The following CREM variants were observed in gnomAD, a reference collection of about 807,000 sequenced individuals.
CREM encodes cAMP responsive element modulator.
A neutral mutation model predicts 37.3 loss-of-function variants in CREM; 13 were observed. The ratio of observed to expected loss-of-function variants is 0.35; its 90% CI spans 0.23 to 0.55. The LOEUF is 0.55. Ranked by LOEUF, CREM falls within the 20% of genes least tolerant of loss-of-function variation. The pLI is 0.88. For synonymous variants in CREM, 124 were observed against 120.2 expected, an observed-to-expected ratio of 1.03 and a Z score of -0.21; for missense variants, 296 against 362.3, an observed-to-expected ratio of 0.82 and a Z score of 1.49.
At chr10:35,173,074 C>T (rs1311530625) in intron 3 of CREM, among the ~76,000 whole-genome samples, 4 of 152,144 alleles carry the variant, frequency 2.6e-5, no homozygotes, top group East Asian at 1.9e-4. Flanking sequence ...AATGTGTCCA[C>T]GTTTGGAAGA....
At chr10:35,155,072 A>G (rs1314131215) in intron 3 of CREM, among the ~76,000 whole-genome samples, 1 of 152,190 alleles carries the variant, frequency 6.6e-6, no homozygotes, top group African/African-American at 2.4e-5. Flanking sequence ...TAATTTCAGG[A>G]AGTATAAAGC....
At chr10:35,128,814 C>T (rs1335618431) in intron 1 of CREM, among the ~76,000 whole-genome samples, 1 of 152,142 alleles carries the variant, frequency 6.6e-6, no homozygotes, top group Admixed American at 6.6e-5. Flanking sequence ...CATGAGCCAC[C>T]GCTCCCGGCC....
At chr10:35,169,090 G>C (rs1392841454) in intron 3 of CREM, among the ~76,000 whole-genome samples, 1 of 152,020 alleles carries the variant, frequency 6.6e-6, no homozygotes, top group South Asian at 2.1e-4. Flanking sequence ...GGCTCTTTTT[G>C]GGTTCCATAT....
At chr10:35,160,784 GA>G (rs2093244608) in intron 3 of CREM, among the ~76,000 whole-genome samples, 1 of 152,174 alleles carries the variant, frequency 6.6e-6, no homozygotes, top group African/African-American at 2.4e-5. Flanking sequence ...TTCTGTGTTT[GA>G]AATTTTTTAT....
At chr10:35,161,285 T>C (rs1430469661) in intron 3 of CREM, among the ~76,000 whole-genome samples, 2 of 151,888 alleles carry the variant, frequency 1.3e-5, no homozygotes, top group East Asian at 3.9e-4. Flanking sequence ...CAGTCGTGCA[T>C]CACCATGCCT....
At position 35,178,851 on chromosome 10, in the gene CREM, A is replaced by G. The variant is rs1379627608; in HGVS notation, c.169-38A>G. 2.0e-6 allele frequency: 3 copies of G among 1,530,012 alleles called. No homozygotes were observed. The African/African-American group carries it at 4.1e-5, about 21-fold the overall frequency. The allele number at this position is 1,530,012 out of a possible 1,614,324, so 94.8% of individuals were successfully genotyped here. A position where few individuals can be genotyped will look rare whatever the true frequency, so the allele number is the denominator to read the frequency against. ...TTTTTTGAATGAGGGAAAAGAGCAT[A>G]TATTTTATGATACATTTCAGAAAAT... On this transcript the variant is annotated intron_variant, in intron 3 of 7. Transcript: ENST00000685392.
At chr10:35,203,619 G>A (rs2095440935) in intron 6 of CREM, among the ~76,000 whole-genome samples, 1 of 152,154 alleles carries the variant, frequency 6.6e-6, no homozygotes, top group African/African-American at 2.4e-5. Flanking sequence ...TTCAACCTGC[G>A]AGGCGGAGGT....
At chr10:35,130,227 TG>T (rs2089081336) in intron 1 of CREM, among the ~76,000 whole-genome samples, 1 of 151,304 alleles carries the variant, frequency 6.6e-6, no homozygotes, top group African/African-American at 2.4e-5. Flanking sequence ...AAATTTTTTT[TG>T]GAAAAATGTA....
chr10:35,127,723 G>T (rs933259854), intron 1 of CREM, among the ~76,000 whole-genome samples: 1 of 152,232 alleles, frequency 6.6e-6, no homozygotes, highest in Non-Finnish European at 1.5e-5. Flanking sequence ...TCTCCGGAGT[G>T]GGAAGGGCAG....
chr10:35,186,156 A>G (rs1274895360), intron 5 of CREM, among the ~76,000 whole-genome samples: 2 of 152,182 alleles, frequency 1.3e-5, no homozygotes, highest in Admixed American at 6.5e-5. Flanking sequence ...CTAGTTAGCT[A>G]GTTTATATGT....
chr10:35,195,732 C>T, intron 6 of CREM: 1 of 380,720 alleles, frequency 2.6e-6, no homozygotes, highest in Non-Finnish European at 4.9e-6. Flanking sequence ...TTTCTTTCCT[C>T]CTGTATTTAA....
chr10:35,195,120 G>A, intron 6 of CREM: 1 of 1,542,336 alleles, frequency 6.5e-7, no homozygotes, highest in South Asian at 1.1e-5. Context: ...GCACATGCTT[G>A]CTAATTTGGA....
At chr10:35,195,211 A>T in intron 6 of CREM, 1 of 1,614,054 alleles carries the variant, frequency 6.2e-7, no homozygotes, top group South Asian at 1.1e-5. Context: ...TGGAGATGAC[A>T]CAGGTAAGAA....
At chr10:35,194,822 C>T (rs2095079513) in intron 6 of CREM, among the ~76,000 whole-genome samples, 1 of 150,790 alleles carries the variant, frequency 6.6e-6, no homozygotes, top group Non-Finnish European at 1.5e-5. Context: ...CCTTAGTTTA[C>T]CTAGAAGCCT....
At chr10:35,146,652 G>A (rs1156859865) in intron 2 of CREM, among the ~76,000 whole-genome samples, 1 of 152,162 alleles carries the variant, frequency 6.6e-6, no homozygotes, top group Non-Finnish European at 1.5e-5. Flanking sequence ...TAAAGGATTA[G>A]GCAATATTAA....
At chr10:35,178,427 T>A (rs1040663499) in intron 3 of CREM, among the ~76,000 whole-genome samples, 1 of 152,186 alleles carries the variant, frequency 6.6e-6, no homozygotes, top group Non-Finnish European at 1.5e-5. Context: ...GCCTATCTGA[T>A]GGCTAATGTG....
intron 3 of CREM, among the ~76,000 whole-genome samples, chr10:35,173,373 A>T (rs1384963405): frequency 6.6e-6 from 1 of 152,224 alleles, no homozygotes; most frequent in Non-Finnish European, 1.5e-5. Context: ...CATACCAACT[A>T]AAGCAACATA....
rs560238907 is a variant in CREM at position 35,189,977 on chromosome 10, A to G, written c.598+1589A>G. On this transcript the variant is annotated intron_variant, in intron 6 of 7. Coordinates refer to ENST00000685392, the MANE Select transcript of CREM (RefSeq NM_183011.2). ...GTGGCATTTATGGAGTAAAAAATGCATAGTACAAACCCAGTACTTTAATGT... is the reference window on the plus strand; with the variant it reads ...GTGGCATTTATGGAGTAAAAAATGCGTAGTACAAACCCAGTACTTTAATGT... Among the ~76,000 whole-genome samples the G allele has an allele frequency of 1.3e-3, 197 of 152,348 alleles. 1 individual carries two copies. Among genetic ancestry groups the G allele is most frequent in the African/African-American group, 4.5e-3 (186 of 41,574 alleles).
intron 5 of CREM, among the ~76,000 whole-genome samples, chr10:35,181,566 C>T (rs142533997): frequency 2.6e-5 from 4 of 152,202 alleles, no homozygotes; most frequent in African/African-American, 9.6e-5. Context: ...AACTAGAAAA[C>T]TGCATCTGTA....
Sources: allele counts gnomAD v4.1 joint callset (sites outside exome capture counted in the v4.1 genomes callset), GRCh38; gene constraint gnomAD v4.1.1; transcripts MANE v1.5; gene names NCBI Gene and HGNC (gene_info 2026-07-23, HGNC 2026-07-21).